The following NCKAP5 variants were observed in gnomAD, a reference collection of about 807,000 sequenced individuals.
NCKAP5 encodes the protein nck-associated protein 5.
In NCKAP5, 92 loss-of-function variants were observed where a neutral mutation model predicts 167.0. The observed-to-expected ratio is 0.55, with a 90% CI of 0.47 to 0.66. NCKAP5 has a LOEUF of 0.66. Ranked by LOEUF, NCKAP5 falls within the 30% of genes least tolerant of loss-of-function variation. NCKAP5 has a pLI of 0.00. For missense variants in NCKAP5, 2,378 were observed against 2,315.0 expected (o/e 1.03, Z -0.56); for synonymous variants, 891 against 877.4 (o/e 1.02, Z -0.27).
chr2:133,196,081 G>GT (rs1405780815), intron 5 of NCKAP5, among the ~76,000 whole-genome samples: 1 of 152,114 alleles, frequency 6.6e-6, no homozygotes, highest in Non-Finnish European at 1.5e-5. Context: ...AAGAAACCAG[G>GT]TAACGTTTTA....
chr2:133,573,599 T>C, the NCKAP5 span, among the ~76,000 whole-genome samples: 2 of 152,230 alleles, frequency 1.3e-5, no homozygotes, highest in Non-Finnish European at 1.5e-5. Context: ...GTTAATGTAC[T>C]AAGGCACTGG....
chr2:132,707,299 C>T (rs56238308), intron 19 of NCKAP5, among the ~76,000 whole-genome samples: 1,719 of 152,358 alleles, frequency 0.011, 37 homozygotes, highest in African/African-American at 0.039. Flanking sequence ...CAGCTGGTGC[C>T]CACAGAGGGA....
chr2:133,129,917 G>A lies in NCKAP5; in HGVS notation c.341+61C>T, dbSNP rs137969581. 3.0e-5 allele frequency: 44 copies of A among 1,488,870 alleles called. No homozygotes were observed. The African/African-American group carries it at 6.2e-4, about 21-fold the overall frequency. 92.2% of individuals were successfully genotyped at this position (1,488,870 alleles called of 1,614,324 possible). Reference sequence around the variant, plus strand: ...TTACTCAATGGACATTCAATCCAAGGTGTTACTGGTGCAGAGAGAGATGCA... The same window carrying A: ...TTACTCAATGGACATTCAATCCAAGATGTTACTGGTGCAGAGAGAGATGCA... On this transcript the variant is annotated intron_variant, in intron 6 of 19. Transcript: ENST00000409261.
chr2:133,487,248 A>G (rs1680990288), intron 3 of NCKAP5, among the ~76,000 whole-genome samples: 1 of 152,240 alleles, frequency 6.6e-6, no homozygotes, highest in Non-Finnish European at 1.5e-5. Flanking sequence ...AAAATGAGGA[A>G]AACTCAGGAG....
At chr2:133,050,453 G>A (rs775092157) in intron 6 of NCKAP5, among the ~76,000 whole-genome samples, 9 of 152,134 alleles carry the variant, frequency 5.9e-5, no homozygotes, top group Admixed American at 3.3e-4. Context: ...AACTTTGCAC[G>A]ATTTGAAATC....
chr2:133,584,694 G>A, the NCKAP5 span, among the ~76,000 whole-genome samples: 19 of 152,208 alleles, frequency 1.2e-4, no homozygotes, highest in East Asian at 2.9e-3. Context: ...AACCCAAGAG[G>A]TGGAGGTTGT....
chr2:133,674,516 T>C, the NCKAP5 span, among the ~76,000 whole-genome samples: 1 of 149,594 alleles, frequency 6.7e-6, no homozygotes, highest in South Asian at 2.1e-4. Flanking sequence ...ACATAGTGAG[T>C]GTGATCCCTT....
chr2:132,686,584 T>A (rs1685967304), intron 19 of NCKAP5, among the ~76,000 whole-genome samples: 1 of 152,220 alleles, frequency 6.6e-6, no homozygotes, highest in South Asian at 2.1e-4. Context: ...GGTCCATAAA[T>A]GCTAGTGGAA....
At position 133,303,028 on chromosome 2, in the gene NCKAP5, T is replaced by A. The variant is rs368156107; in HGVS notation, c.143+9A>T. On this transcript the variant is annotated intron_variant, in intron 4 of 19. Coordinates refer to ENST00000409261, the MANE Select transcript of NCKAP5 (RefSeq NM_207363.3). ...TGAGCAAGCAAATAAGAACATGAAT[T>A]GAACTCACCTCCAGAGACTCCTGTG... is the stretch of plus-strand genomic sequence containing the variant. The A allele has an allele frequency of 1.7e-5, 27 of 1,591,228 alleles. No individual in the cohort carries two copies. The highest frequency in any genetic ancestry group is 2.1e-5 in the Non-Finnish European group (25 of 1,166,132).
At position 133,057,107 on chromosome 2, in the gene NCKAP5, C is replaced by T. The variant is rs577174245; in HGVS notation, c.342-62868G>A. 1.8e-4 allele frequency among the ~76,000 whole-genome samples: 27 copies of T among 152,272 alleles called. No homozygotes were observed. In the South Asian group the frequency reaches 5.6e-3, roughly 32 times the overall value. ...GTCATTATTTTGGAACACCACAAAT[C>T]GTGCCCATATAAGACAGCTAATTTA... On this transcript the variant is annotated intron_variant, in intron 6 of 19. Coordinates refer to ENST00000409261, the MANE Select transcript of NCKAP5 (RefSeq NM_207363.3).
intron 5 of NCKAP5, among the ~76,000 whole-genome samples, chr2:133,201,543 T>C (rs976208064): frequency 3.9e-5 from 6 of 152,126 alleles, no homozygotes; most frequent in South Asian, 2.1e-4. Flanking sequence ...TCAATGATTG[T>C]TTATGCAGTG....
At chr2:132,795,818 CA>C (rs1684535605) in intron 12 of NCKAP5, among the ~76,000 whole-genome samples, 1 of 33,692 alleles carries the variant, frequency 3.0e-5, no homozygotes, top group Non-Finnish European at 5.0e-5. Flanking sequence ...GACCCCGTAT[CA>C]GAAAAAAAAA....
intron 3 of NCKAP5, among the ~76,000 whole-genome samples, chr2:133,343,979 C>T (rs1372527157): frequency 6.6e-6 from 1 of 152,122 alleles, no homozygotes; most frequent in African/African-American, 2.4e-5. Context: ...CCCAGCTCAC[C>T]CTTGAATGTG....
chr2:133,161,626 C>T (rs574134033), intron 5 of NCKAP5, among the ~76,000 whole-genome samples: 49 of 152,266 alleles, frequency 3.2e-4, no homozygotes, highest in African/African-American at 9.6e-4. Flanking sequence ...TATGTGTCAG[C>T]AAGATACTTA....
At chr2:133,131,309 C>G (rs2082595274) in intron 5 of NCKAP5, among the ~76,000 whole-genome samples, 1 of 152,172 alleles carries the variant, frequency 6.6e-6, no homozygotes, top group African/African-American at 2.4e-5. Context: ...AGGGTTCCTT[C>G]CAGGCTCAGT....
At chr2:132,942,928 T>G (rs1697409171) in intron 8 of NCKAP5, among the ~76,000 whole-genome samples, 2 of 152,226 alleles carry the variant, frequency 1.3e-5, no homozygotes, top group African/African-American at 4.8e-5. Flanking sequence ...ACGAAACAGT[T>G]TGCTAAAACC....
At chr2:133,119,679 A>T (rs11896774) in intron 6 of NCKAP5, among the ~76,000 whole-genome samples, 5,290 of 151,744 alleles carry the variant, frequency 0.035, 264 homozygotes, top group African/African-American at 0.12. Context: ...CAATAAATTT[A>T]AAAAACCTCC....
the NCKAP5 span, among the ~76,000 whole-genome samples, chr2:133,654,264 G>A: frequency 6.6e-6 from 1 of 152,032 alleles, no homozygotes; most frequent in African/African-American, 2.4e-5. Flanking sequence ...TATAATCCCA[G>A]CTACTTGGGA....
intron 16 of NCKAP5, among the ~76,000 whole-genome samples, chr2:132,733,186 G>A (rs1691188912): frequency 6.6e-6 from 1 of 152,014 alleles, no homozygotes; most frequent in Admixed American, 6.6e-5. Context: ...GGCCAATGAG[G>A]CAGCTTCCAA....
Sources: gnomAD v4.1 joint callset for allele counts (sites outside exome capture counted in the v4.1 genomes callset) on GRCh38, gnomAD v4.1.1 for gene constraint, MANE v1.5 for transcripts, NCBI Gene and HGNC (gene_info 2026-07-23, HGNC 2026-07-21) for gene names.